The following GPC6 variants were observed in gnomAD, a reference collection of about 807,000 sequenced individuals.
The protein encoded by GPC6 is glypican-6.
In GPC6, 14 loss-of-function variants were observed where a neutral mutation model predicts 55.2. The ratio of observed to expected loss-of-function variants is 0.25; its 90% CI spans 0.17 to 0.40. The LOEUF is 0.40. Among genes scored for constraint, GPC6 ranks in the 10% least tolerant of loss-of-function variants. The pLI is 1.00. For synonymous variants in GPC6, 278 were observed against 259.6 expected, an observed-to-expected ratio of 1.07 and a Z score of -0.68; for missense variants, 641 against 708.5, an observed-to-expected ratio of 0.90 and a Z score of 1.08.
At chr13:93,824,115 A>C (rs1028009390) in intron 2 of GPC6, among the ~76,000 whole-genome samples, 2 of 152,352 alleles carry the variant, frequency 1.3e-5, no homozygotes, top group South Asian at 4.1e-4. Flanking sequence ...TACACCAAAA[A>C]ATGCAAGTGA....
intron 4 of GPC6, among the ~76,000 whole-genome samples, chr13:94,250,134 A>T (rs1346748393): frequency 6.6e-6 from 1 of 152,190 alleles, no homozygotes; most frequent in African/African-American, 2.4e-5. Context: ...AGATTAAGAG[A>T]AAGTCTTTGC....
At chr13:94,283,324 C>T (rs1424026490) in intron 4 of GPC6, among the ~76,000 whole-genome samples, 1 of 152,220 alleles carries the variant, frequency 6.6e-6, no homozygotes, top group African/African-American at 2.4e-5. Context: ...TCATAATCTC[C>T]ATTGCATAGA....
chr13:94,403,540 G>T lies in GPC6; in HGVS notation c.*323G>T. On this transcript the variant is annotated 3_prime_UTR_variant, in exon 9 of 9. Transcript: ENST00000377047. The stretch of plus-strand genomic sequence containing the variant: ...AAGTAAAGGAATCTCACGTTGTGAG[G>T]GTTTTTTTTTTCTCATTTAAAATAA... 7.0e-6 allele frequency: 2 copies of T among 284,434 alleles called. No individual in the cohort carries two copies. The highest frequency in any genetic ancestry group is 1.3e-5 in the Non-Finnish European group (2 of 155,068). 17.6% of individuals were successfully genotyped at this position (284,434 alleles called of 1,614,324 possible). A position where few individuals can be genotyped will look rare whatever the true frequency, so the allele number is the denominator to read the frequency against.
intron 6 of GPC6, among the ~76,000 whole-genome samples, chr13:94,369,926 C>G (rs60471954): frequency 0.011 from 1,674 of 152,256 alleles, 23 homozygotes; most frequent in African/African-American, 0.038. Context: ...TCTTACTTCC[C>G]TTAGCAGATC....
At chr13:93,378,633 T>G in intron 1 of GPC6, among the ~76,000 whole-genome samples, 1 of 152,230 alleles carries the variant, frequency 6.6e-6, no homozygotes, top group East Asian at 1.9e-4. Flanking sequence ...CATTTGGTAA[T>G]GACTTATTAT....
At chr13:94,015,374 G>A (rs1435507426) in intron 3 of GPC6, among the ~76,000 whole-genome samples, 2 of 151,954 alleles carry the variant, frequency 1.3e-5, no homozygotes, top group Admixed American at 1.3e-4. Context: ...TCTTTAACAG[G>A]GTTGTTTGTC....
intron 6 of GPC6, among the ~76,000 whole-genome samples, chr13:94,316,312 G>A (rs941869925): frequency 2.0e-5 from 3 of 152,176 alleles, no homozygotes; most frequent in Non-Finnish European, 4.4e-5. Flanking sequence ...CCTGAACTTT[G>A]AGTTCAATCA....
intron 3 of GPC6, among the ~76,000 whole-genome samples, chr13:93,939,122 A>G (rs1449643612): frequency 1.3e-5 from 2 of 151,356 alleles, no homozygotes; most frequent in Non-Finnish European, 2.9e-5. Context: ...TAAATAAATA[A>G]ATAAAATAAT....
chr13:93,483,641 A>G (rs1364538910), intron 1 of GPC6, among the ~76,000 whole-genome samples: 1 of 152,138 alleles, frequency 6.6e-6, no homozygotes, highest in East Asian at 1.9e-4. Flanking sequence ...GTGATAGCAT[A>G]TATGTTTGTA....
chr13:94,005,168 G>C (rs981795189), intron 3 of GPC6, among the ~76,000 whole-genome samples: 22 of 152,112 alleles, frequency 1.4e-4, no homozygotes, highest in African/African-American at 5.3e-4. Flanking sequence ...GGAGGTATGG[G>C]AAATGACATT....
chr13:93,411,855 T>C (rs1470322697), intron 1 of GPC6, among the ~76,000 whole-genome samples: 1 of 151,504 alleles, frequency 6.6e-6, no homozygotes, highest in Non-Finnish European at 1.5e-5. Context: ...ACAAAAACAC[T>C]AGCCTGGCTT....
At chr13:93,664,577 T>C (rs1024661930) in intron 2 of GPC6, among the ~76,000 whole-genome samples, 1 of 152,144 alleles carries the variant, frequency 6.6e-6, no homozygotes, top group Non-Finnish European at 1.5e-5. Flanking sequence ...TCTATCATTA[T>C]TGCCATCTTC....
chr13:94,389,332 C>T (rs1036008054), intron 7 of GPC6, among the ~76,000 whole-genome samples: 1 of 151,980 alleles, frequency 6.6e-6, no homozygotes, highest in Non-Finnish European at 1.5e-5. Context: ...TCTGGGCAGT[C>T]GGTGGCCATA....
intron 3 of GPC6, among the ~76,000 whole-genome samples, chr13:93,932,973 C>CTTTTTTTTTTTT (rs59362571): frequency 9.8e-6 from 1 of 102,382 alleles, no homozygotes; most frequent in African/African-American, 3.6e-5. Context: ...TTGTTTTGTT[C>CTTTTTTTTTTTT]TTTTTTTTTT....
chr13:94,321,691 G>A (rs1876835584), intron 6 of GPC6, among the ~76,000 whole-genome samples: 1 of 152,122 alleles, frequency 6.6e-6, no homozygotes, highest in African/African-American at 2.4e-5. Context: ...GGGCCATGTG[G>A]TAGTTGGTAC....
At chr13:94,175,703 C>T (rs1888723766) in intron 4 of GPC6, among the ~76,000 whole-genome samples, 2 of 151,570 alleles carry the variant, frequency 1.3e-5, no homozygotes, top group African/African-American at 4.8e-5. Context: ...TATTCTGCAT[C>T]TGTCTAAAGG....
chr13:93,959,497 A>G (rs1453657415), intron 3 of GPC6, among the ~76,000 whole-genome samples: 8 of 152,120 alleles, frequency 5.3e-5, no homozygotes, highest in South Asian at 2.1e-4. Context: ...TTCTTACCCA[A>G]TTGCTCTGGG....
chr13:93,986,070 T>C (rs1342185691), intron 3 of GPC6, among the ~76,000 whole-genome samples: 1 of 152,110 alleles, frequency 6.6e-6, no homozygotes, highest in Non-Finnish European at 1.5e-5. Flanking sequence ...AAGACATGAA[T>C]TGATCCATTA....
intron 2 of GPC6, among the ~76,000 whole-genome samples, chr13:93,649,689 C>T (rs192546702): frequency 2.6e-4 from 39 of 152,152 alleles, no homozygotes; most frequent in East Asian, 1.5e-3. Flanking sequence ...CTTGAGAACT[C>T]GAGAATTATT....
Sources: allele counts gnomAD v4.1 joint callset (sites outside exome capture counted in the v4.1 genomes callset), GRCh38; gene constraint gnomAD v4.1.1; transcripts MANE v1.5; gene names NCBI Gene and HGNC (gene_info 2026-07-23, HGNC 2026-07-21).